SHANK1: variants seen among roughly 807,000 people sequenced by gnomAD.
SHANK1 encodes the protein SH3 and multiple ankyrin repeat domains protein 1.
In SHANK1, 35 loss-of-function variants were observed where a neutral mutation model predicts 165.6. That is an observed-to-expected ratio of 0.21 (90% confidence interval 0.16 to 0.28). The LOEUF is 0.28. Among genes scored for constraint, SHANK1 ranks in the 10% least tolerant of loss-of-function variants. The pLI, the probability that SHANK1 is intolerant of heterozygous loss-of-function variation, is 1.00. For missense variants in SHANK1, 2,681 were observed against 3,036.4 expected, an observed-to-expected ratio of 0.88 and a Z score of 2.75; for synonymous variants, 1,428 against 1,384.8, an observed-to-expected ratio of 1.03 and a Z score of -0.69.
intron 7 of SHANK1, 121 bp from the exon 8 acceptor site, chr19:50,711,608 C>G (rs754200492): frequency 6.8e-5 from 50 of 739,250 alleles, no homozygotes; most frequent in Non-Finnish European, 1.0e-4. Flanking sequence ...CATCCACCTC[C>G]CCATCACCTT....
chr19:50,676,941 C>T (rs1327049684), intron 21 of SHANK1, among the ~76,000 whole-genome samples: 1 of 152,140 alleles, frequency 6.6e-6, no homozygotes, highest in African/African-American at 2.4e-5. Context: ...TTCTGCCTTT[C>T]TGCCCTTCCT....
rs778138385 is a variant in SHANK1, at chr19:50,661,812, C to T, written c.*153G>A. 3.8e-6 allele frequency: 3 copies of T among 785,536 alleles called. No individual in the cohort carries two copies. The highest frequency in any genetic ancestry group is 3.4e-5 in the South Asian group (2 of 58,536). The allele number at this position is 785,536 out of a possible 1,614,324, so 48.7% of individuals were successfully genotyped here. ...TGCAAATGTCCGGCCTGGATTGGGC[C>T]ACCTGGTGACCTCTGGCCTTGGGAG... On this transcript the variant is annotated 3_prime_UTR_variant, in exon 24 of 24. Transcript: ENST00000293441.
At chr19:50,664,917 G>A (rs1985415017) in intron 23 of SHANK1, among the ~76,000 whole-genome samples, 1 of 152,170 alleles carries the variant, frequency 6.6e-6, no homozygotes, top group Admixed American at 6.5e-5. Context: ...ACCATGACCG[G>A]CTAATTTTTT....
At position 50,704,352 on chromosome 19, in the gene SHANK1, A is replaced by T. The variant is rs1314535267; in HGVS notation, c.1155+85T>A. ...CACGGCCTGTCTCCTTGCTTTCCTCATTGTCCCCTTCCTTATCCACTGGGT... is the reference window on the plus strand; with the variant it reads ...CACGGCCTGTCTCCTTGCTTTCCTCTTTGTCCCCTTCCTTATCCACTGGGT... On this transcript the variant is annotated intron_variant, in intron 9 of 23. Transcript: ENST00000293441. 3.6e-6 allele frequency: 5 copies of T among 1,389,174 alleles called. No individual in the cohort carries two copies. The African/African-American group carries it at 7.1e-5, about 20-fold the overall frequency. 86.1% of individuals were successfully genotyped at this position (1,389,174 alleles called of 1,614,324 possible).
Position 50,717,055 on chromosome 19 carries a change from T to G in SHANK1, c.-43-93A>C. 5.7e-6 allele frequency: 6 copies of G among 1,046,896 alleles called. No individual in the cohort carries two copies. Among genetic ancestry groups the G allele is most frequent in the South Asian group, 2.6e-5 (1 of 38,288 alleles). 64.9% of individuals were successfully genotyped at this position (1,046,896 alleles called of 1,614,324 possible). ...GGTGGTCAAGCGGTCAAGGGCAGCC[T>G]ACCCCCACTGCCCAAGATAGGCAGG... On this transcript the variant is annotated intron_variant, in intron 1 of 23. Transcript: ENST00000293441. The surrounding 1 kb of genome is among the most constrained non-coding windows in gnomAD (Gnocchi z 5.5).
At chr19:50,665,927 CT>C (rs1985482188) in intron 23 of SHANK1, among the ~76,000 whole-genome samples, 1 of 135,402 alleles carries the variant, frequency 7.4e-6, no homozygotes, top group Non-Finnish European at 1.6e-5. Context: ...AGGAGAATCG[CT>C]TGAACCCGGG....
rs2089093615 is a variant in SHANK1 at position 50,718,442 on chromosome 19, A to G, written c.-44+964T>C. 6.6e-6 allele frequency among the ~76,000 whole-genome samples: 1 copy of G among 151,394 alleles called. No homozygotes were observed. The highest frequency in any genetic ancestry group is 2.4e-5 in the African/African-American group (1 of 41,196). On this transcript the variant is annotated intron_variant, in intron 1 of 23. Coordinates refer to ENST00000293441, the MANE Select transcript of SHANK1 (RefSeq NM_016148.5). The surrounding 1 kb of genome is among the most constrained non-coding windows in gnomAD (Gnocchi z 5.1). ...GGGGGTGGCCGGTGGGATGAAAGAA[A>G]AGCTGGCTAGGGCCCCCCGCGCGTA...
In SHANK1 at chr19:50,687,886, G is replaced by A. The variant is rs764315546; in HGVS notation, c.2308+37C>T. ...GGGCTCCCGCAGGGCTGAGCCTGGT[G>A]GCAGTGGGGTGGCTGCGAGAGTGGC... On this transcript the variant is annotated intron_variant, in intron 18 of 23. Transcript: ENST00000293441. 4 of 1,612,714 alleles carry A rather than the reference G, an allele frequency of 2.5e-6. No individual in the cohort carries two copies. In the Admixed American group the frequency reaches 6.7e-5, roughly 27 times the overall value.
chr19:50,676,095 C>T (rs989651860), intron 21 of SHANK1, among the ~76,000 whole-genome samples: 2 of 151,598 alleles, frequency 1.3e-5, no homozygotes, highest in Non-Finnish European at 2.9e-5. Context: ...GCCAGGAGTT[C>T]GAGACTAGCC....
chr19:50,687,989 T>A lies in SHANK1; in HGVS notation c.2242A>T (p.Thr748Ser), dbSNP rs761805268. 1.1e-5 allele frequency: 17 copies of A among 1,614,030 alleles called. No homozygotes were observed. The highest frequency in any genetic ancestry group is 1.4e-5 in the Non-Finnish European group (17 of 1,180,004). The stretch of plus-strand genomic sequence containing the variant: ...ACCATCACCACCTTCACCATCAGCG[T>A]GTTGCCCCCTTGGCGGATCATGTTC... Reference protein sequence around the residue: ...VVNMIRQGGNTLMVKVVMVTR... With the variant: ...VVNMIRQGGNSLMVKVVMVTR... Residue 748 changes from threonine to serine, a missense_variant, in exon 18 of 24, where the codon ACG (threonine) becomes TCG (serine). By Grantham distance (58) the Thr-to-Ser change is moderately conservative (BLOSUM62 1). This residue lies in a region of SHANK1 where 147 missense variants were observed against 256.5 expected (regional missense o/e 0.57). Transcript: ENST00000293441.
chr19:50,687,124 C>A (rs1002421440), intron 19 of SHANK1: 5 of 888,372 alleles, frequency 5.6e-6, no homozygotes. Context: ...AAGCCCGCCT[C>A]CCTCGGGGCC....
intron 12 of SHANK1, among the ~76,000 whole-genome samples, chr19:50,701,091 A>C (rs1986900753): frequency 6.6e-6 from 1 of 151,074 alleles, no homozygotes. Flanking sequence ...TCAAGGCCTC[A>C]CTCAAGTTGA....
chr19:50,695,647 C>T (rs1208201689), intron 15 of SHANK1, among the ~76,000 whole-genome samples: 6 of 151,974 alleles, frequency 3.9e-5, no homozygotes, highest in African/African-American at 1.5e-4. Context: ...GACGGAGCCC[C>T]GCTTCCCCGG....
Position 50,688,711 on chromosome 19 carries a change from G to C in SHANK1, c.2172+133C>G, listed in dbSNP as rs73598635. On this transcript the variant is annotated intron_variant, in intron 17 of 23. Coordinates refer to ENST00000293441, the MANE Select transcript of SHANK1 (RefSeq NM_016148.5). This position sits in a 1 kb window ranked among gnomAD's most constrained non-coding sequence, Gnocchi z 6.7. Reference sequence around the variant, plus strand: ...CGCTGGGGAAAGCAGAGGCTGGCTGGGGGGTGGGCAGGGGGCTGGGAATCC... The same window carrying C: ...CGCTGGGGAAAGCAGAGGCTGGCTGCGGGGTGGGCAGGGGGCTGGGAATCC... 2.6e-6 allele frequency: 2 copies of C among 775,990 alleles called. No individual in the cohort carries two copies. Among genetic ancestry groups the C allele is most frequent in the East Asian group, 5.4e-5 (2 of 36,940 alleles). 48.1% of individuals were successfully genotyped at this position (775,990 alleles called of 1,614,324 possible).
At chr19:50,675,579 G>A (rs2123103587) in intron 21 of SHANK1, among the ~76,000 whole-genome samples, 1 of 152,306 alleles carries the variant, frequency 6.6e-6, no homozygotes, top group South Asian at 2.1e-4. Flanking sequence ...AGATACTGCA[G>A]ATACGACAAA....
rs578092833 is a variant in SHANK1, at chr19:50,716,211, T to TG, written c.459+63dup. The TG allele has an allele frequency of 4.7e-6, 7 of 1,477,922 alleles. No individual in the cohort carries two copies. Among genetic ancestry groups the TG allele is most frequent in the Non-Finnish European group, 3.8e-6 (4 of 1,061,150 alleles). 91.6% of individuals were successfully genotyped at this position (1,477,922 alleles called of 1,614,324 possible). A position where few individuals can be genotyped will look rare whatever the true frequency, so the allele number is the denominator to read the frequency against. Reference sequence around the variant, plus strand: ...GGTTTCGAGTGTGTTAAAAAGTGGGTGGGGGGCAGATGTGTTTTAGGGCAT... The same window carrying TG: ...GGTTTCGAGTGTGTTAAAAAGTGGGTGGGGGGGCAGATGTGTTTTAGGGCAT... On this transcript the variant is annotated intron_variant, in intron 3 of 23. Coordinates refer to ENST00000293441, the MANE Select transcript of SHANK1 (RefSeq NM_016148.5). This position sits in a 1 kb window ranked among gnomAD's most constrained non-coding sequence, Gnocchi z 8.4.
In SHANK1 at chr19:50,669,044, C is replaced by T. The variant is rs775506782; in HGVS notation, c.2916G>A (p.Gly972=). ...LPASSPASFD[G]PSPPDTRVGS... is the part of the protein sequence containing the mutation. ...CCACGCGAGTGTCGGGAGGGGAGGG[C>T]CCGTCAAAGGATGCAGGGGAGGAGG... The change falls in exon 23 of 24, where the codon GGG becomes GGA. Residue 972 remains glycine, a synonymous_variant. Transcript: ENST00000293441. The T allele has an allele frequency of 5.8e-5, 53 of 907,720 alleles. No individual in the cohort carries two copies. The highest frequency in any genetic ancestry group is 2.9e-5 in the Admixed American group (1 of 34,574). 56.2% of individuals were successfully genotyped at this position (907,720 alleles called of 1,614,324 possible).
At chr19:50,693,191 C>T (rs1986597648) in intron 15 of SHANK1, among the ~76,000 whole-genome samples, 2 of 150,030 alleles carry the variant, frequency 1.3e-5, no homozygotes, top group South Asian at 2.1e-4. Context: ...TTGGTATTCT[C>T]CCCCTACTGC....
chr19:50,704,705 G>A (rs1268375135), intron 8 of SHANK1, among the ~76,000 whole-genome samples, 191 bp from the exon 9 acceptor site: 3 of 152,108 alleles, frequency 2.0e-5, no homozygotes, highest in Non-Finnish European at 4.4e-5. Context: ...CGGCCCAAAC[G>A]GAGATGCACC....
Sources: gnomAD v4.1 joint callset for allele counts (sites outside exome capture counted in the v4.1 genomes callset) on GRCh38, gnomAD v4.1.1 for gene constraint, gnomAD v4.1.1 regional missense constraint, Gnocchi (gnomAD v3.1) non-coding constraint, MANE v1.5 for transcripts, NCBI Gene and HGNC (gene_info 2026-07-23, HGNC 2026-07-21) for gene names.